The following PPP2R2C variants were observed in gnomAD, a reference collection of about 807,000 sequenced individuals.
The protein encoded by PPP2R2C is protein phosphatase 2, regulatory subunit B, gamma.
In PPP2R2C, 10 loss-of-function variants were observed where a neutral mutation model predicts 45.3. The ratio of observed to expected loss-of-function variants is 0.22; its 90% CI spans 0.14 to 0.37. PPP2R2C has a LOEUF of 0.37. Among genes scored for constraint, PPP2R2C ranks in the 10% least tolerant of loss-of-function variants. PPP2R2C has a pLI of 1.00. For synonymous variants in PPP2R2C, 257 were observed against 245.4 expected (o/e 1.05, Z -0.44); for missense variants, 308 against 619.7 (o/e 0.50, Z 5.34).
intron 1 of PPP2R2C, among the ~76,000 whole-genome samples, chr4:6,541,647 G>A (rs926920232): frequency 6.6e-6 from 1 of 152,140 alleles, no homozygotes; most frequent in Non-Finnish European, 1.5e-5. Context: ...CCCAGGTCAA[G>A]CAATCCTCCT....
intron 5 of PPP2R2C, among the ~76,000 whole-genome samples, chr4:6,369,909 TG>T (rs1405217547): frequency 3.3e-5 from 5 of 150,266 alleles, no homozygotes; most frequent in African/African-American, 1.0e-4. Flanking sequence ...AGTGTGGGCC[TG>T]GGAGTAGAAA....
At chr4:6,370,186 AG>A (rs765937699) in intron 5 of PPP2R2C, among the ~76,000 whole-genome samples, 10 of 152,324 alleles carry the variant, frequency 6.6e-5, no homozygotes, top group Non-Finnish European at 1.3e-4. Context: ...CCAGGCATGG[AG>A]GCCCGAGCAT....
chr4:6,421,540 C>T (rs942102396), intron 1 of PPP2R2C, among the ~76,000 whole-genome samples: 2 of 152,086 alleles, frequency 1.3e-5, no homozygotes, highest in East Asian at 1.9e-4. Flanking sequence ...AGGCACTCTG[C>T]GGGCAGCCAA....
intron 7 of PPP2R2C, among the ~76,000 whole-genome samples, chr4:6,333,246 A>T (rs1239880612): frequency 1.3e-5 from 2 of 152,148 alleles, no homozygotes; most frequent in African/African-American, 4.8e-5. Flanking sequence ...GCCATCGTCT[A>T]CATGCTCCAC....
At chr4:6,462,777 C>T (rs976495168) in intron 1 of PPP2R2C, among the ~76,000 whole-genome samples, 11 of 152,170 alleles carry the variant, frequency 7.2e-5, no homozygotes, top group African/African-American at 2.4e-4. Context: ...GCAGATGGAA[C>T]GGGGAAATGA....
At position 6,491,982 on chromosome 4, in the gene PPP2R2C, C is replaced by T. The variant is rs113183122; in HGVS notation, c.49+43289G>A. Among the ~76,000 whole-genome samples the T allele has an allele frequency of 1.3e-4, 20 of 152,328 alleles. 1 individual carries two copies. Among genetic ancestry groups the T allele is most frequent in the African/African-American group, 4.8e-4 (20 of 41,570 alleles). Reference sequence around the variant, plus strand: ...AATACAGCCGGGCTCCATCCACTGGCTCTGCTGCAGGGCCTGAGTAAACTA... The same window carrying T: ...AATACAGCCGGGCTCCATCCACTGGTTCTGCTGCAGGGCCTGAGTAAACTA... On this transcript the variant is annotated intron_variant, in intron 2 of 9. Coordinates refer to the PPP2R2C transcript ENST00000506140.
rs1443135326 is a variant in PPP2R2C, at chr4:6,328,399, C to G, written c.1052+863G>C. Among the ~76,000 whole-genome samples, 1 of 152,232 alleles carries G rather than the reference C, an allele frequency of 6.6e-6. No individual in the cohort carries two copies. Among genetic ancestry groups the G allele is most frequent in the African/African-American group, 2.4e-5 (1 of 41,456 alleles). On this transcript the variant is annotated intron_variant, in intron 8 of 8. Coordinates refer to ENST00000382599, the MANE Select transcript of PPP2R2C (RefSeq NM_020416.4). This position sits in a 1 kb window ranked among gnomAD's most constrained non-coding sequence, Gnocchi z 4.4. ...GCTGTAGGAGACACTGAGAGGCCAC[C>G]TCTCAGCTTCTGAGATCGAAACTCA...
At chr4:6,349,089 A>G (rs1712286838) in intron 5 of PPP2R2C, 1 of 985,098 alleles carries the variant, frequency 1.0e-6, no homozygotes, top group Admixed American at 6.1e-5. Context: ...TGGAGCATGC[A>G]AGGACTGGCA....
At chr4:6,374,879 G>A (rs74481236) in intron 4 of PPP2R2C, among the ~76,000 whole-genome samples, 161 of 152,338 alleles carry the variant, frequency 1.1e-3, no homozygotes, top group East Asian at 0.01. Flanking sequence ...TTGGCGTGGC[G>A]TGGGTGAAAT....
intron 5 of PPP2R2C, among the ~76,000 whole-genome samples, chr4:6,357,492 A>G (rs1172663382): frequency 6.6e-6 from 1 of 152,248 alleles, no homozygotes; most frequent in Non-Finnish European, 1.5e-5. Context: ...CAGAGGTGCT[A>G]GCTAAACAAA....
At chr4:6,538,636 C>T (rs1724709794) in intron 1 of PPP2R2C, among the ~76,000 whole-genome samples, 1 of 152,220 alleles carries the variant, frequency 6.6e-6, no homozygotes. Flanking sequence ...ACCGTGGCAG[C>T]AGATGTTCCC....
chr4:6,490,103 C>T (rs919601180), intron 2 of PPP2R2C, among the ~76,000 whole-genome samples: 4 of 152,168 alleles, frequency 2.6e-5, no homozygotes, highest in African/African-American at 9.7e-5. Flanking sequence ...CCCAGGCATC[C>T]GTCCCTCCCA....
rs372053194 is a variant in PPP2R2C at position 6,490,414 on chromosome 4, T to C, written c.49+44857A>G. ...TTCTGTGCTTCGAGTCATCATTAAG[T>C]CCATACCACAGTTATTAACTATTCA... On this transcript the variant is annotated intron_variant, in intron 2 of 9. Transcript: ENST00000506140. Among the ~76,000 whole-genome samples the C allele has an allele frequency of 2.4e-4, 37 of 152,342 alleles. 1 individual carries two copies. The highest frequency in any genetic ancestry group is 8.4e-4 in the African/African-American group (35 of 41,570).
intron 2 of PPP2R2C, among the ~76,000 whole-genome samples, chr4:6,501,228 T>C (rs1238980165): frequency 1.3e-5 from 2 of 152,128 alleles, no homozygotes; most frequent in South Asian, 2.1e-4. Context: ...TAAAATGTAA[T>C]TGGCAGACAC....
intron 2 of PPP2R2C, among the ~76,000 whole-genome samples, chr4:6,530,929 C>T (rs1724376183): frequency 6.6e-6 from 1 of 152,220 alleles, no homozygotes; most frequent in Non-Finnish European, 1.5e-5. Flanking sequence ...TGTTGACCAA[C>T]AGGAGGGACA....
At chr4:6,408,300 A>G (rs2109362198) in intron 1 of PPP2R2C, among the ~76,000 whole-genome samples, 1 of 152,320 alleles carries the variant, frequency 6.6e-6, no homozygotes, top group South Asian at 2.1e-4. Context: ...GCTGATACTA[A>G]CAGTAGAACT....
upstream of PPP2R2C, among the ~76,000 whole-genome samples, chr4:6,477,253 G>A (rs73207865): frequency 0.12 from 17,927 of 152,086 alleles, 1,232 homozygotes; most frequent in Non-Finnish European, 0.16. Flanking sequence ...CTCTTCAAAA[G>A]AAATTCTAGG....
At chr4:6,400,136 G>A (rs1032808297) in intron 1 of PPP2R2C, among the ~76,000 whole-genome samples, 1 of 152,202 alleles carries the variant, frequency 6.6e-6, no homozygotes, top group African/African-American at 2.4e-5. Context: ...GGGACCCCAA[G>A]ACGTTTTCAG....
chr4:6,404,396 G>A (rs1454429636), intron 1 of PPP2R2C, among the ~76,000 whole-genome samples: 2 of 152,202 alleles, frequency 1.3e-5, no homozygotes, highest in Non-Finnish European at 1.5e-5. Flanking sequence ...TCTCGCCAGA[G>A]GCATGGAAAC....
Sources: allele counts gnomAD v4.1 joint callset (sites outside exome capture counted in the v4.1 genomes callset), GRCh38; gene constraint gnomAD v4.1.1; non-coding constraint Gnocchi (gnomAD v3.1); transcripts MANE v1.5; gene names NCBI Gene and HGNC (gene_info 2026-07-23, HGNC 2026-07-21).